The following RNGTT variants were observed in gnomAD, a reference collection of about 807,000 sequenced individuals.
RNGTT encodes the protein RNA guanylyltransferase and 5'-phosphatase.
RNGTT carries 33 observed loss-of-function variants against 79.3 expected under a neutral mutation model. The observed-to-expected ratio is 0.42, with a 90% CI of 0.32 to 0.56. RNGTT has a LOEUF of 0.56. RNGTT is among the 20% of genes least tolerant of loss of function. RNGTT has a pLI of 0.17. For missense variants in RNGTT, 497 were observed against 739.1 expected, an observed-to-expected ratio of 0.67 and a Z score of 3.80; for synonymous variants, 222 against 235.9, an observed-to-expected ratio of 0.94 and a Z score of 0.54.
At chr6:88,823,609 T>C (rs1196300343) in intron 11 of RNGTT, among the ~76,000 whole-genome samples, 2 of 151,740 alleles carry the variant, frequency 1.3e-5, no homozygotes, top group South Asian at 2.1e-4. Context: ...TGAAAATAAA[T>C]GGAAGATTAC....
At chr6:88,881,687 T>A (rs895203469) in intron 8 of RNGTT, among the ~76,000 whole-genome samples, 1 of 152,190 alleles carries the variant, frequency 6.6e-6, no homozygotes, top group African/African-American at 2.4e-5. Flanking sequence ...TGAAATAAGG[T>A]ACTTTCACTA....
chr6:88,872,136 T>C (rs2127921459), intron 8 of RNGTT, among the ~76,000 whole-genome samples: 1 of 152,348 alleles, frequency 6.6e-6, no homozygotes, highest in African/African-American at 2.4e-5. Context: ...ACTTCTTTTA[T>C]GTGCTTCCAT....
rs749750567 is a variant in RNGTT at position 88,904,923 on chromosome 6, G to A, written c.476C>T (p.Ala159Val). 1 of 1,614,030 alleles carries A rather than the reference G, an allele frequency of 6.2e-7. No homozygotes were observed. Among genetic ancestry groups the A allele is most frequent in the Non-Finnish European group, 8.5e-7 (1 of 1,180,006 alleles). ...ACCCTTGTAGATTCCTGGTGGTCTG[G>A]CTTGGGCAAAAGTAGCAACTGCTGC... ...IEAAVATFAQ[A>V]RPPGIYKGDY... The change falls in exon 6 of 16, where the codon GCC becomes GTC. Residue 159 changes from alanine (A) to valine (V), a missense_variant. Around this residue, in one of 3 missense-constraint regions of RNGTT, gnomAD observed 440 missense variants for 671.5 expected, o/e 0.66. Coordinates refer to ENST00000369485, the MANE Select transcript of RNGTT (RefSeq NM_003800.5).
At chr6:88,848,555 T>C (rs1781563467) in intron 10 of RNGTT, among the ~76,000 whole-genome samples, 1 of 152,070 alleles carries the variant, frequency 6.6e-6, no homozygotes, top group African/African-American at 2.4e-5. Context: ...CTAGACATAT[T>C]AGTACAAATA....
chr6:88,711,308 A>C (rs9353592), intron 13 of RNGTT, among the ~76,000 whole-genome samples: 40,517 of 152,104 alleles, frequency 0.27, 9,452 homozygotes, highest in African/African-American at 0.63. Context: ...ATTAGATACT[A>C]GTGAAGAGCT....
intron 4 of RNGTT, among the ~76,000 whole-genome samples, chr6:88,910,570 T>C (rs1360446273): frequency 6.6e-6 from 1 of 152,214 alleles, no homozygotes; most frequent in Non-Finnish European, 1.5e-5. Flanking sequence ...AAGACATATT[T>C]GAGAATATAA....
chr6:88,738,114 T>C (rs1166419041), intron 13 of RNGTT, among the ~76,000 whole-genome samples: 2 of 152,164 alleles, frequency 1.3e-5, no homozygotes, highest in African/African-American at 4.8e-5. Context: ...ATGTTCATAG[T>C]ATGTACTCTT....
intron 9 of RNGTT, among the ~76,000 whole-genome samples, chr6:88,852,656 A>G (rs1781711519): frequency 6.6e-6 from 1 of 152,148 alleles, no homozygotes; most frequent in Non-Finnish European, 1.5e-5. Context: ...AAAAAATACA[A>G]AAATCAAAAT....
At chr6:88,942,207 A>C (rs959908711) in intron 1 of RNGTT, among the ~76,000 whole-genome samples, 2 of 152,184 alleles carry the variant, frequency 1.3e-5, no homozygotes, top group East Asian at 3.8e-4. Flanking sequence ...CTAGAATATG[A>C]TATCATTCTG....
chr6:88,815,030 G>T (rs967257833), intron 11 of RNGTT, among the ~76,000 whole-genome samples: 14 of 152,132 alleles, frequency 9.2e-5, no homozygotes, highest in Non-Finnish European at 2.9e-5. Flanking sequence ...AAGAGTACCT[G>T]GAGTCACTGG....
chr6:88,856,099 T>C (rs1366052878), intron 8 of RNGTT, among the ~76,000 whole-genome samples: 1 of 152,210 alleles, frequency 6.6e-6, no homozygotes, highest in African/African-American at 2.4e-5. Flanking sequence ...CGTCAAGATA[T>C]ATATTAGGAT....
rs144558877 is a variant in RNGTT, at chr6:88,625,978, G to T, written c.1507-11583C>A. Reference sequence around the variant, plus strand: ...GTCAATCCACTGGTTAATAATTATGGAATACTAACTAGATGTAGAGTACTG... The same window carrying T: ...GTCAATCCACTGGTTAATAATTATGTAATACTAACTAGATGTAGAGTACTG... On this transcript the variant is annotated intron_variant, in intron 14 of 15. Transcript: ENST00000369485. Among the ~76,000 whole-genome samples the T allele has an allele frequency of 5.4e-3, 816 of 151,878 alleles. 9 individuals carry two copies. The highest frequency in any genetic ancestry group is 0.019 in the African/African-American group (781 of 41,460).
chr6:88,907,417 G>C (rs182092205), intron 4 of RNGTT, among the ~76,000 whole-genome samples: 20 of 152,174 alleles, frequency 1.3e-4, no homozygotes, highest in Non-Finnish European at 8.8e-5. Context: ...CACTAAGATT[G>C]TAAGTGTTTG....
chr6:88,935,372 G>A (rs1204755062), intron 2 of RNGTT, among the ~76,000 whole-genome samples: 1 of 151,932 alleles, frequency 6.6e-6, no homozygotes, highest in Non-Finnish European at 1.5e-5. Context: ...TGTTCCTTTT[G>A]CTCAAGATTG....
intron 11 of RNGTT, among the ~76,000 whole-genome samples, chr6:88,811,251 T>C (rs1158585856): frequency 1.3e-5 from 2 of 152,294 alleles, no homozygotes; most frequent in East Asian, 3.9e-4. Context: ...TCGAAGATAA[T>C]TGGATGAAAA....
chr6:88,622,820 T>C (rs146787477), intron 14 of RNGTT, among the ~76,000 whole-genome samples: 1 of 152,220 alleles, frequency 6.6e-6, no homozygotes, highest in East Asian at 1.9e-4. Context: ...TGATCAACCA[T>C]GTGCCCGGTA....
intron 14 of RNGTT, among the ~76,000 whole-genome samples, chr6:88,633,885 G>A (rs1772998272): frequency 1.3e-5 from 2 of 152,182 alleles, no homozygotes; most frequent in Non-Finnish European, 1.5e-5. Flanking sequence ...CGGAGGAACA[G>A]AGAGAAGAAA....
chr6:88,694,159 T>C (rs1053422934), intron 13 of RNGTT, among the ~76,000 whole-genome samples: 8 of 152,096 alleles, frequency 5.3e-5, no homozygotes, highest in Non-Finnish European at 1.0e-4. Flanking sequence ...AGTAGTGAAA[T>C]TGTCGATACT....
chr6:88,737,169 C>A (rs1475008608), intron 13 of RNGTT, among the ~76,000 whole-genome samples: 1 of 152,172 alleles, frequency 6.6e-6, no homozygotes, highest in African/African-American at 2.4e-5. Flanking sequence ...CTTCTGATTT[C>A]TCCTTCTTAG....
Sources: allele counts gnomAD v4.1 joint callset (sites outside exome capture counted in the v4.1 genomes callset), GRCh38; gene constraint gnomAD v4.1.1; regional missense constraint gnomAD v4.1.1; transcripts MANE v1.5; gene names NCBI Gene and HGNC (gene_info 2026-07-23, HGNC 2026-07-21).